The following BPI variants were observed in gnomAD, a reference collection of about 807,000 sequenced individuals.
BPI encodes the protein bactericidal permeability increasing protein, also known as bactericidal permeability-increasing protein.
Under a neutral mutation model 57.6 loss-of-function variants are expected in BPI, and 48 were observed. The observed-to-expected ratio is 0.83, with a 90% CI of 0.66 to 1.06. The LOEUF is 1.06. Ranked by LOEUF, BPI falls within the 50% of genes least tolerant of loss-of-function variation. BPI has a pLI of 0.00. For missense variants in BPI, 651 were observed against 609.7 expected (o/e 1.07, Z -0.71); for synonymous variants, 237 against 238.2 (o/e 0.99, Z 0.05).
At chr20:38,323,719 G>A (rs932294977) in intron 7 of BPI, 151 bp from the exon 8 acceptor site, 8 of 808,770 alleles carry the variant, frequency 9.9e-6, no homozygotes, top group Non-Finnish European at 9.5e-6. Flanking sequence ...TAATGCCCAG[G>A]AGGCTTTTGA....
At chr20:38,328,811 A>ACATAGTG (rs1478476279) in intron 11 of BPI, among the ~76,000 whole-genome samples, 2 of 151,222 alleles carry the variant, frequency 1.3e-5, no homozygotes, top group Non-Finnish European at 2.9e-5. Flanking sequence ...AGCTGGGGCA[A>ACATAGTG]CATAGTGAGA....
At chr20:38,309,902 C>A (rs2076614101) in intron 3 of BPI, among the ~76,000 whole-genome samples, 1 of 152,118 alleles carries the variant, frequency 6.6e-6, no homozygotes. Context: ...TCTGCCCGCC[C>A]TTACAAGAAC....
intron 11 of BPI, 143 bp downstream of exon 11, chr20:38,327,798 T>C (rs1212712864): frequency 4.2e-6 from 4 of 945,858 alleles, no homozygotes; most frequent in Non-Finnish European, 6.4e-6. Flanking sequence ...GAGTGTGCGA[T>C]GGCCACAGTA....
chr20:38,320,182 G>A lies in BPI; in HGVS notation c.665-1G>A, dbSNP rs2076674050. On this transcript the variant is annotated splice_acceptor_variant, in intron 6 of 14. Coordinates refer to ENST00000642449, the MANE Select transcript of BPI (RefSeq NM_001725.3). LOFTEE classifies it high-confidence loss of function. ...TCATGGTCCATTTTCTTTCTCTCTA[G>A]TAATGACCAAAATAGATTCTGTGGC... The A allele has an allele frequency of 1.2e-6, 2 of 1,613,770 alleles. No individual in the cohort carries two copies. Among genetic ancestry groups the A allele is most frequent in the Non-Finnish European group, 1.7e-6 (2 of 1,179,736 alleles).
At chr20:38,331,571 T>C (rs2076742739) in intron 12 of BPI, among the ~76,000 whole-genome samples, 1 of 152,026 alleles carries the variant, frequency 6.6e-6, no homozygotes, top group African/African-American at 2.4e-5. Flanking sequence ...AGGCCAGGCA[T>C]GGTGGCTCAT....
chr20:38,335,115 A>G (rs2076761025), intron 13 of BPI, among the ~76,000 whole-genome samples: 1 of 152,198 alleles, frequency 6.6e-6, no homozygotes, highest in Non-Finnish European at 1.5e-5. Flanking sequence ...TGACAAATGT[A>G]GCTTTGTAAT....
intron 1 of BPI, among the ~76,000 whole-genome samples, chr20:38,307,239 GTGAAAATTATA>G (rs1462857577): frequency 2.0e-5 from 3 of 152,012 alleles, no homozygotes; most frequent in Non-Finnish European, 2.9e-5. Context: ...CTCACAACAT[GTGAAAATTATA>G]TGAAATTCTC....
intron 7 of BPI, among the ~76,000 whole-genome samples, chr20:38,323,619 T>G (rs944864758): frequency 6.6e-6 from 1 of 152,232 alleles, no homozygotes; most frequent in African/African-American, 2.4e-5. Flanking sequence ...GGCAAGTCAC[T>G]TCACCTCCTT....
chr20:38,304,330 T>C lies in BPI; in HGVS notation c.107T>C (p.Ile36Thr). 6.2e-7 allele frequency: 1 copy of C among 1,613,852 alleles called. No individual in the cohort carries two copies. The highest frequency in any genetic ancestry group is 8.5e-7 in the Non-Finnish European group (1 of 1,180,010). Residue 36 changes from isoleucine to threonine, a missense_variant, in exon 1 of 15, where the codon ATC becomes ACC. Ile to Thr is a moderately conservative substitution (Grantham distance 89). Transcript: ENST00000642449. ...GTCAACCCTGGCGTCGTGGTCAGGA[T>C]CTCCCAGAAGGGCCTGGACTACGGT... ...AAVNPGVVVR[I>T]SQKGLDYASQ...
intron 5 of BPI, chr20:38,318,124 A>C (rs577566493): frequency 7.7e-4 from 667 of 861,296 alleles, no homozygotes; most frequent in Admixed American, 2.9e-3. Flanking sequence ...ACAGCAACAA[A>C]AAAAAAAAAC....
In BPI at chr20:38,327,572, G is replaced by A. The variant is rs778693174; in HGVS notation, c.1162-16G>A. 1.2e-6 allele frequency: 2 copies of A among 1,612,392 alleles called. No homozygotes were observed. The highest frequency in any genetic ancestry group is 8.5e-7 in the Non-Finnish European group (1 of 1,179,360). ...CCTGGGTCAGGGCACTTCACCCTGG[G>A]TTGTTGTTTTGGCAGCACACAACTG... On this transcript the variant is annotated splice_polypyrimidine_tract_variant and intron_variant, in intron 10 of 14. Coordinates refer to ENST00000642449, the MANE Select transcript of BPI (RefSeq NM_001725.3).
Position 38,335,621 on chromosome 20 carries a change from C to T in BPI, c.1360C>T (p.Leu454Phe). ...AGAGAAACTACAGAAAGGCTTCCCT[C>T]TCCCGACGCCGGCCAGAGTCCAGCT... The part of the protein sequence containing the change: ...VNEKLQKGFP[L>F]PTPARVQLYN... Residue 454 changes from leucine to phenylalanine, a missense_variant, in exon 14 of 15, where the codon CTC becomes TTC. By Grantham distance (22) the Leu-to-Phe change is conservative. Transcript: ENST00000642449. 1.2e-6 allele frequency: 2 copies of T among 1,614,206 alleles called. No individual in the cohort carries two copies. Among genetic ancestry groups the T allele is most frequent in the South Asian group, 1.1e-5 (1 of 91,080 alleles).
At chr20:38,336,513 A>C (rs1265030662) in intron 14 of BPI, among the ~76,000 whole-genome samples, 2 of 151,906 alleles carry the variant, frequency 1.3e-5, no homozygotes, top group Non-Finnish European at 2.9e-5. Flanking sequence ...CCCAGCTTGC[A>C]TTTCTCACCT....
At chr20:38,304,391 A>G (rs1417418774) in intron 1 of BPI, 38 bp downstream of exon 1, 2 of 1,606,012 alleles carry the variant, frequency 1.2e-6, no homozygotes, top group Non-Finnish European at 1.7e-6. Flanking sequence ...TCCACCCCTG[A>G]GGAGCACTTA....
At chr20:38,331,116 C>A (rs1333591903) in intron 12 of BPI, 26 bp downstream of exon 12, 1 of 1,611,664 alleles carries the variant, frequency 6.2e-7, no homozygotes, top group Non-Finnish European at 8.5e-7. Flanking sequence ...TTGGTGGCTT[C>A]TTCCTCCTTC....
rs560166112 is a variant in BPI, at chr20:38,325,109, G to A, written c.993+276G>A. 2.6e-5 allele frequency among the ~76,000 whole-genome samples: 4 copies of A among 152,286 alleles called. No individual in the cohort carries two copies. The South Asian group carries it at 8.3e-4, about 32-fold the overall frequency. The stretch of plus-strand genomic sequence containing the variant: ...ATGCCCACCATGTGCCTGGGGCCCT[G>A]TGCTGGGAACCCAGCAGAATAGGGC... On this transcript the variant is annotated intron_variant, in intron 9 of 14. Coordinates refer to ENST00000642449, the MANE Select transcript of BPI (RefSeq NM_001725.3).
chr20:38,332,926 G>A lies in BPI; in HGVS notation c.1273-1504G>A, dbSNP rs572701707. Among the ~76,000 whole-genome samples the A allele has an allele frequency of 2.5e-4, 38 of 152,214 alleles. 1 individual carries two copies. The highest frequency in any genetic ancestry group is 1.0e-3 in the South Asian group (5 of 4,814). ...CTGCAGTCTGCTGATCCTGTCCAGC[G>A]TCTTGCTACATTGACCTGAATCTCC... On this transcript the variant is annotated intron_variant, in intron 12 of 14. Coordinates refer to ENST00000642449, the MANE Select transcript of BPI (RefSeq NM_001725.3).
In BPI at chr20:38,335,632, G is replaced by T. The variant is rs745422112; in HGVS notation, c.1371G>T (p.Pro457=). Residue 457 remains proline (P), a synonymous_variant, in exon 14 of 15, where the codon CCG becomes CCT. Coordinates refer to ENST00000642449, the MANE Select transcript of BPI (RefSeq NM_001725.3). ...KLQKGFPLPT[P]ARVQLYNVVL... ...AGAAAGGCTTCCCTCTCCCGACGCC[G>T]GCCAGAGTCCAGCTCTACAACGTAG... 2.5e-6 allele frequency: 4 copies of T among 1,614,106 alleles called. No individual in the cohort carries two copies. Among genetic ancestry groups the T allele is most frequent in the Non-Finnish European group, 3.4e-6 (4 of 1,180,002 alleles).
At chr20:38,307,741 A>G in intron 2 of BPI, 60 bp downstream of exon 2, 1 of 1,360,246 alleles carries the variant, frequency 7.4e-7, no homozygotes, top group Non-Finnish European at 1.0e-6. Flanking sequence ...TGGGGACACC[A>G]AGAGCTAGAA....
Sources: allele counts gnomAD v4.1 joint callset (sites outside exome capture counted in the v4.1 genomes callset), GRCh38; gene constraint gnomAD v4.1.1; transcripts MANE v1.5; gene names NCBI Gene and HGNC (gene_info 2026-07-23, HGNC 2026-07-21).